ANKRD28: variants seen among roughly 807,000 people sequenced by gnomAD.
The protein encoded by ANKRD28 is serine/threonine-protein phosphatase 6 regulatory ankyrin repeat subunit A.
ANKRD28 carries 44 observed loss-of-function variants against 126.5 expected under a neutral mutation model. The ratio of observed to expected loss-of-function variants is 0.35; its 90% CI spans 0.27 to 0.45. ANKRD28 has a LOEUF of 0.45. ANKRD28 is among the 20% of genes least tolerant of loss of function. The pLI is 1.00. For missense variants in ANKRD28, 1,110 were observed against 1,316.6 expected (o/e 0.84, Z 2.43); for synonymous variants, 442 against 468.5 (o/e 0.94, Z 0.73).
In ANKRD28 at chr3:15,729,599, T is replaced by C. The variant is rs145114807; in HGVS notation, c.641-5075A>G. 1.8e-3 allele frequency among the ~76,000 whole-genome samples: 268 copies of C among 152,284 alleles called. 2 individuals are homozygous for C. Among genetic ancestry groups the C allele is most frequent in the African/African-American group, 5.1e-3 (213 of 41,552 alleles). ...AAGCATCCAAAATATATTAGTTACA[T>C]TGAAGAAATTGCTCGTGATGTCATT... On this transcript the variant is annotated intron_variant, in intron 6 of 27. Coordinates refer to ENST00000683139, the MANE Select transcript of ANKRD28 (RefSeq NM_001349278.2).
intron 2 of ANKRD28, among the ~76,000 whole-genome samples, chr3:15,788,537 T>C (rs2059885415): frequency 6.6e-6 from 1 of 152,142 alleles, no homozygotes. Flanking sequence ...TAATACAAAA[T>C]GGCTTATGCC....
chr3:15,737,246 A>G lies in ANKRD28; in HGVS notation c.352-13T>C. ...CCTGAACTGCTTCCTAAAACATATG[A>G]AAAGTTATAAAAGACAAATGAGTTA... On this transcript the variant is annotated splice_polypyrimidine_tract_variant and intron_variant, in intron 4 of 27. Transcript: ENST00000683139. The G allele has an allele frequency of 6.2e-7, 1 of 1,603,236 alleles. No homozygotes were observed. Among genetic ancestry groups the G allele is most frequent in the South Asian group, 1.1e-5 (1 of 90,080 alleles).
chr3:15,825,465 G>C (rs561796152), intron 1 of ANKRD28, among the ~76,000 whole-genome samples: 1 of 152,092 alleles, frequency 6.6e-6, no homozygotes, highest in Non-Finnish European at 1.5e-5. Flanking sequence ...CGGGGCGGTG[G>C]GGGAGGAAGG....
chr3:15,728,203 TAAAA>T (rs2074326264), intron 6 of ANKRD28, among the ~76,000 whole-genome samples: 1 of 152,058 alleles, frequency 6.6e-6, no homozygotes, highest in Admixed American at 6.5e-5. Context: ...TGAAAATTAA[TAAAA>T]AAGAAAAAAC....
rs185595300 is a variant in ANKRD28, at chr3:15,670,906, G to A, written c.2966-350C>T. On this transcript the variant is annotated intron_variant, in intron 27 of 27. Transcript: ENST00000683139. ...TCGTGAATATTCTTTCAGGATGGTA[G>A]GCAGAGATTTACTGTTAATTTGCAG... 1.1e-3 allele frequency among the ~76,000 whole-genome samples: 166 copies of A among 152,276 alleles called. No homozygotes were observed. The Middle Eastern group carries it at 0.017, about 16-fold the overall frequency.
At chr3:15,719,933 T>C (rs1195226780) in intron 8 of ANKRD28, among the ~76,000 whole-genome samples, 1 of 152,126 alleles carries the variant, frequency 6.6e-6, no homozygotes. Context: ...GGCAGTAGCA[T>C]GATCTCAGCT....
At position 15,814,479 on chromosome 3, in the gene ANKRD28, GA is replaced by G. The variant is rs558795102; in HGVS notation, c.28-19174del. On this transcript the variant is annotated intron_variant, in intron 1 of 27. Coordinates refer to the ANKRD28 transcript ENST00000399451. This position sits in a 1 kb window ranked among gnomAD's most constrained non-coding sequence, Gnocchi z 4.7. ...GAATTTACTTTTATCCTTCTATCAA[GA>G]AAAAAAATACTAATCTGGGCAACAA... is the stretch of plus-strand genomic sequence containing the variant. Among the ~76,000 whole-genome samples the G allele has an allele frequency of 7.7e-4, 117 of 151,646 alleles. No individual in the cohort carries two copies. Among genetic ancestry groups the G allele is most frequent in the African/African-American group, 2.7e-3 (111 of 41,374 alleles).
At chr3:15,722,569 GT>G (rs2073843316) in intron 7 of ANKRD28, among the ~76,000 whole-genome samples, 1 of 152,188 alleles carries the variant, frequency 6.6e-6, no homozygotes, top group Non-Finnish European at 1.5e-5. Context: ...CCTGAAAGTG[GT>G]TTTGAAAGCC....
chr3:15,692,750 T>C (rs1006043195), intron 17 of ANKRD28, among the ~76,000 whole-genome samples: 1 of 152,246 alleles, frequency 6.6e-6, no homozygotes, highest in Non-Finnish European at 1.5e-5. Context: ...TATAATCATA[T>C]TTCATTAAGC....
intron 3 of ANKRD28, among the ~76,000 whole-genome samples, chr3:15,752,041 A>G (rs1451989700): frequency 6.6e-6 from 1 of 152,134 alleles, no homozygotes; most frequent in Non-Finnish European, 1.5e-5. Flanking sequence ...TTTTTAATTT[A>G]AAACAAAATA....
At position 15,816,867 on chromosome 3, in the gene ANKRD28, G is replaced by C. The variant is rs2060841996; in HGVS notation, c.28-21561C>G. The stretch of plus-strand genomic sequence containing the variant: ...ATAGGTTGTGCATAGATTAATCATA[G>C]AGTTAAAACACATCTGAAAACCCAT... On this transcript the variant is annotated intron_variant, in intron 1 of 27. Coordinates refer to the ANKRD28 transcript ENST00000399451. This position sits in a 1 kb window ranked among gnomAD's most constrained non-coding sequence, Gnocchi z 5.0. Among the ~76,000 whole-genome samples, 1 of 152,126 alleles carries C rather than the reference G, an allele frequency of 6.6e-6. No homozygotes were observed. The highest frequency in any genetic ancestry group is 2.4e-5 in the African/African-American group (1 of 41,410).
intron 2 of ANKRD28, among the ~76,000 whole-genome samples, chr3:15,791,175 T>C (rs569073972): frequency 6.6e-6 from 1 of 152,158 alleles, no homozygotes; most frequent in South Asian, 2.1e-4. Flanking sequence ...TTGGGATGAA[T>C]CAACACTGTT....
intron 18 of ANKRD28, among the ~76,000 whole-genome samples, chr3:15,689,210 G>A (rs2068497354): frequency 6.6e-6 from 1 of 152,162 alleles, no homozygotes; most frequent in African/African-American, 2.4e-5. Flanking sequence ...AGCTCTTTGG[G>A]CCACTGGGTT....
chr3:15,753,854 G>C (rs1163449782), intron 3 of ANKRD28, among the ~76,000 whole-genome samples: 4 of 152,054 alleles, frequency 2.6e-5, no homozygotes, highest in Admixed American at 1.3e-4. Flanking sequence ...GCTGAGGCAG[G>C]AATCACTTGA....
chr3:15,855,359 A>T (rs1039196851), intron 1 of ANKRD28, among the ~76,000 whole-genome samples: 1 of 152,042 alleles, frequency 6.6e-6, no homozygotes, highest in Admixed American at 6.5e-5. Context: ...AACAAAAAAA[A>T]ACCCAACACC....
chr3:15,670,381 G>A lies in ANKRD28; in HGVS notation c.3141C>T (p.Ile1047=), dbSNP rs1454722437. 1 of 1,613,820 alleles carries A rather than the reference G, an allele frequency of 6.2e-7. No homozygotes were observed. Among genetic ancestry groups the A allele is most frequent in the Non-Finnish European group, 8.5e-7 (1 of 1,179,870 alleles). ...SKTVSFEALP[I]MRNEPSSYCS... ...AATAGGAGCTAGGTTCATTCCTCATGATGGGCAAAGCTTCAAAGCTGACTG... is the reference window on the plus strand; with the variant it reads ...AATAGGAGCTAGGTTCATTCCTCATAATGGGCAAAGCTTCAAAGCTGACTG... Residue 1047 remains isoleucine, a synonymous_variant, in exon 28 of 28, where the codon ATC becomes ATT. Coordinates refer to ENST00000683139, the MANE Select transcript of ANKRD28 (RefSeq NM_001349278.2).
intron 6 of ANKRD28, chr3:15,733,579 C>T (rs1158521393): frequency 1.3e-5 from 2 of 152,130 alleles, no homozygotes; most frequent in African/African-American, 4.8e-5. Flanking sequence ...GATAATATTT[C>T]ATCTATTCAA....
intron 27 of ANKRD28, among the ~76,000 whole-genome samples, chr3:15,675,319 A>G (rs1337677572): frequency 6.6e-6 from 1 of 152,204 alleles, no homozygotes; most frequent in Non-Finnish European, 1.5e-5. Context: ...AATGAGAGGA[A>G]TAACTGCGGA....
intron 1 of ANKRD28, among the ~76,000 whole-genome samples, chr3:15,835,599 CTATAAGAATAAGGTTCAAGTCTCA>C (rs1331671469): frequency 6.6e-6 from 1 of 152,180 alleles, no homozygotes; most frequent in Non-Finnish European, 1.5e-5. Context: ...GCCCCCACAG[CTATAAGAATAAGGTTCAAGTCTCA>C]TAGCTTAGTA....
Sources: allele counts gnomAD v4.1 joint callset (sites outside exome capture counted in the v4.1 genomes callset), GRCh38; gene constraint gnomAD v4.1.1; non-coding constraint Gnocchi (gnomAD v3.1); transcripts MANE v1.5; gene names NCBI Gene and HGNC (gene_info 2026-07-23, HGNC 2026-07-21).